The following ZFAND6 variants were observed in gnomAD, a reference collection of about 807,000 sequenced individuals.
The protein encoded by ZFAND6 is AN1-type zinc finger protein 6.
A neutral mutation model predicts 24.5 loss-of-function variants in ZFAND6; 12 were observed. The observed-to-expected ratio is 0.49, with a 90% confidence interval of 0.31 to 0.79. ZFAND6 has a LOEUF of 0.79. Ranked by LOEUF, ZFAND6 falls within the 30% of genes least tolerant of loss-of-function variation. The pLI, the probability that ZFAND6 is intolerant of heterozygous loss-of-function variation, is 0.04. For missense variants in ZFAND6, 207 were observed against 245.9 expected (o/e 0.84, Z 1.06); for synonymous variants, 92 against 81.5 (o/e 1.13, Z -0.69).
At chr15:80,133,257 A>G (rs763065151) in intron 6 of ZFAND6, among the ~76,000 whole-genome samples, 1 of 150,058 alleles carries the variant, frequency 6.7e-6, no homozygotes, top group Non-Finnish European at 1.5e-5. Context: ...CAGTGGCACT[A>G]TCTCGGCTCA....
chr15:80,116,142 A>G (rs2039868563), intron 2 of ZFAND6, among the ~76,000 whole-genome samples: 1 of 146,632 alleles, frequency 6.8e-6, no homozygotes, highest in African/African-American at 2.5e-5. Flanking sequence ...AGAAGATTTT[A>G]ACTCCAGAGA....
At chr15:80,094,872 T>A (rs1036151609) in intron 1 of ZFAND6, among the ~76,000 whole-genome samples, 3 of 152,108 alleles carry the variant, frequency 2.0e-5, no homozygotes, top group African/African-American at 7.2e-5. Context: ...CCTCCCAGGT[T>A]CAAATGATTC....
chr15:80,128,911 C>T (rs367902871), intron 5 of ZFAND6, among the ~76,000 whole-genome samples: 1 of 152,164 alleles, frequency 6.6e-6, no homozygotes, highest in Non-Finnish European at 1.5e-5. Context: ...TTTCCAGATC[C>T]CATTCAAATT....
intron 1 of ZFAND6, chr15:80,060,658 C>T (rs1039821321): frequency 1.3e-5 from 2 of 152,200 alleles, no homozygotes; most frequent in East Asian, 3.9e-4. Context: ...CGCGGTGACT[C>T]AACGCCTGTA....
chr15:80,066,665 C>G (rs2036659320), intron 1 of ZFAND6, among the ~76,000 whole-genome samples: 1 of 151,916 alleles, frequency 6.6e-6, no homozygotes, highest in Admixed American at 6.6e-5. Context: ...CTTTGCAGGC[C>G]TGGCTGAGAT....
intron 3 of ZFAND6, among the ~76,000 whole-genome samples, 180 bp from the exon 4 acceptor site, chr15:80,121,532 A>C (rs1294352108): frequency 6.6e-6 from 1 of 152,224 alleles, no homozygotes; most frequent in Non-Finnish European, 1.5e-5. Flanking sequence ...GTTTAAAATT[A>C]ACATATTTTT....
At chr15:80,091,647 C>CT (rs34953396) in intron 1 of ZFAND6, among the ~76,000 whole-genome samples, 114,292 of 151,126 alleles carry the variant, frequency 0.76, 43,418 homozygotes, top group Admixed American at 0.84. Flanking sequence ...AAAAAAAAAA[C>CT]TTTTTTTAAG....
chr15:80,060,909 G>C (rs1596160500), intron 1 of ZFAND6, among the ~76,000 whole-genome samples: 1 of 152,268 alleles, frequency 6.6e-6, no homozygotes, highest in South Asian at 2.1e-4. Flanking sequence ...GACAGAGGGA[G>C]ACTCCGTCTC....
At chr15:80,109,020 G>A (rs1432076334) in intron 2 of ZFAND6, among the ~76,000 whole-genome samples, 1 of 152,244 alleles carries the variant, frequency 6.6e-6, no homozygotes, top group Non-Finnish European at 1.5e-5. Context: ...GAGCCACCGC[G>A]CCTGCAGGCA....
intron 3 of ZFAND6, chr15:80,120,729 G>C: frequency 3.7e-6 from 1 of 269,024 alleles, no homozygotes; most frequent in Non-Finnish European, 6.8e-6. Flanking sequence ...TTCTGTGGCT[G>C]TGGAATTCTG....
chr15:80,076,631 C>G (rs555841263), intron 1 of ZFAND6, among the ~76,000 whole-genome samples: 3 of 152,118 alleles, frequency 2.0e-5, no homozygotes, highest in Non-Finnish European at 4.4e-5. Flanking sequence ...TTAGTCTTTT[C>G]GAACCAGTAA....
intron 2 of ZFAND6, among the ~76,000 whole-genome samples, chr15:80,105,212 T>C (rs1015909162): frequency 5.3e-5 from 8 of 152,236 alleles, no homozygotes. Flanking sequence ...TTGTTGCCAG[T>C]TATCCAGAGT....
chr15:80,081,055 T>C (rs574206710), intron 1 of ZFAND6, among the ~76,000 whole-genome samples: 1 of 152,350 alleles, frequency 6.6e-6, no homozygotes, highest in South Asian at 2.1e-4. Context: ...AAGGGTGGAC[T>C]ACTGTAAGGT....
intron 6 of ZFAND6, among the ~76,000 whole-genome samples, chr15:80,136,251 GGTCAGGAGATC>G (rs1404851112): frequency 1.9e-4 from 29 of 152,166 alleles, no homozygotes; most frequent in Non-Finnish European, 4.0e-4. Flanking sequence ...CAGATCACAA[GGTCAGGAGATC>G]TAGACCATCC....
Position 80,120,564 on chromosome 15 carries a change from C to T in ZFAND6, c.154+66C>T, listed in dbSNP as rs946544185. On this transcript the variant is annotated intron_variant, in intron 3 of 6. Transcript: ENST00000261749. Reference sequence around the variant, plus strand: ...AATACAAGTGGATATTTCGGTATACCCAATACCTTTTTCTGCTCTCACATT... The same window carrying T: ...AATACAAGTGGATATTTCGGTATACTCAATACCTTTTTCTGCTCTCACATT... 4 of 1,306,230 alleles carry T rather than the reference C, an allele frequency of 3.1e-6. No homozygotes were observed. In the African/African-American group the frequency reaches 4.5e-5, roughly 15 times the overall value. 80.9% of individuals were successfully genotyped at this position (1,306,230 alleles called of 1,614,324 possible).
intron 5 of ZFAND6, among the ~76,000 whole-genome samples, chr15:80,125,673 G>A (rs1271229663): frequency 6.6e-6 from 1 of 152,172 alleles, no homozygotes; most frequent in Non-Finnish European, 1.5e-5. Flanking sequence ...GTTCACAAAT[G>A]CTAGCTTTTA....
intron 6 of ZFAND6, among the ~76,000 whole-genome samples, chr15:80,135,035 T>A (rs2040792760): frequency 6.6e-6 from 1 of 152,156 alleles, no homozygotes; most frequent in Non-Finnish European, 1.5e-5. Flanking sequence ...CAAGTATGCC[T>A]GCCTCTCCAG....
intron 1 of ZFAND6, among the ~76,000 whole-genome samples, chr15:80,089,273 T>TTG (rs2038200433): frequency 1.4e-5 from 2 of 140,698 alleles, no homozygotes; most frequent in South Asian, 4.8e-4. Context: ...TTTTTTTTTT[T>TTG]TTTTTTTTTT....
chr15:80,132,835 G>A (rs2040670508), intron 6 of ZFAND6, among the ~76,000 whole-genome samples: 1 of 151,798 alleles, frequency 6.6e-6, no homozygotes, highest in Non-Finnish European at 1.5e-5. Context: ...TGAATTGCTT[G>A]GTATGTACCA....
Sources: gnomAD v4.1 joint callset for allele counts (sites outside exome capture counted in the v4.1 genomes callset) on GRCh38, gnomAD v4.1.1 for gene constraint, MANE v1.5 for transcripts, NCBI Gene and HGNC (gene_info 2026-07-23, HGNC 2026-07-21) for gene names.